Variants in KIRREL3 observed in about 807,000 individuals in gnomAD.
The protein encoded by KIRREL3 is kirre like nephrin family adhesion molecule 3.
Under a neutral mutation model 89.7 loss-of-function variants are expected in KIRREL3, and 36 were observed. The ratio of observed to expected loss-of-function variants is 0.40; its 90% CI spans 0.31 to 0.53. The LOEUF is 0.53. Among genes scored for constraint, KIRREL3 ranks in the 20% least tolerant of loss-of-function variants. The pLI is 0.49. For missense variants in KIRREL3, 864 were observed against 1,056.6 expected, an observed-to-expected ratio of 0.82 and a Z score of 2.53; for synonymous variants, 445 against 441.4, an observed-to-expected ratio of 1.01 and a Z score of -0.10.
At chr11:126,960,786 T>C (rs1949062815) in intron 1 of KIRREL3, among the ~76,000 whole-genome samples, 2 of 152,214 alleles carry the variant, frequency 1.3e-5, no homozygotes, top group South Asian at 2.1e-4. Flanking sequence ...TGCTTTATTG[T>C]TCTTCGCAGA....
In KIRREL3 at chr11:126,860,916, G is replaced by A. The variant is rs778957707; in HGVS notation, c.55+139539C>T. Among the ~76,000 whole-genome samples the A allele has an allele frequency of 1.3e-5, 2 of 152,160 alleles. No homozygotes were observed. The highest frequency in any genetic ancestry group is 4.8e-5 in the African/African-American group (2 of 41,430). On this transcript the variant is annotated intron_variant, in intron 1 of 16. Coordinates refer to ENST00000525144, the MANE Select transcript of KIRREL3 (RefSeq NM_032531.4). The surrounding 1 kb of genome is among the most constrained non-coding windows in gnomAD (Gnocchi z 4.6). ...CTCCTTTGTACCACTCTTGGTACGT[G>A]CCACCTCCTATACAAAGCCTCTCCT...
At chr11:126,458,400 C>A (rs895796549) in intron 6 of KIRREL3, among the ~76,000 whole-genome samples, 9 of 149,564 alleles carry the variant, frequency 6.0e-5, no homozygotes, top group Non-Finnish European at 1.2e-4. Flanking sequence ...GGTCCTGAGA[C>A]CCTCAGAGAG....
chr11:126,923,325 T>C (rs1373835641), intron 1 of KIRREL3, among the ~76,000 whole-genome samples: 20 of 141,826 alleles, frequency 1.4e-4, no homozygotes, highest in African/African-American at 3.3e-4. Flanking sequence ...TCTTCCTTCT[T>C]CTTCTTCCTT....
chr11:126,995,758 CT>C lies in KIRREL3; in HGVS notation c.55+4696del. 6.6e-6 allele frequency among the ~76,000 whole-genome samples: 1 copy of C among 152,192 alleles called. No individual in the cohort carries two copies. Among genetic ancestry groups the C allele is most frequent in the East Asian group, 1.9e-4 (1 of 5,194 alleles). On this transcript the variant is annotated intron_variant, in intron 1 of 16. Transcript: ENST00000525144. The surrounding 1 kb of genome is among the most constrained non-coding windows in gnomAD (Gnocchi z 6.5). ...CAATTCGCTCTGGATTATTCATGTG[CT>C]TTTTTGGGTCTGCAATATAATGCTG...
chr11:126,767,226 C>T (rs892849481), intron 1 of KIRREL3, among the ~76,000 whole-genome samples: 2 of 152,216 alleles, frequency 1.3e-5, no homozygotes, highest in African/African-American at 2.4e-5. Context: ...CCTGACATCC[C>T]GCCCAAGGGT....
rs1955089032 is a variant in KIRREL3, at chr11:126,430,445, A to T, written c.1696+974T>A. ...GGCCAAAAGAGAGAGACCCTATATA[A>T]AAAAAAACCGTATATATATGTGTAT... On this transcript the variant is annotated intron_variant, in intron 14 of 16. Coordinates refer to ENST00000525144, the MANE Select transcript of KIRREL3 (RefSeq NM_032531.4). This position sits in a 1 kb window ranked among gnomAD's most constrained non-coding sequence, Gnocchi z 6.6. 1.3e-5 allele frequency among the ~76,000 whole-genome samples: 2 copies of T among 152,016 alleles called. No homozygotes were observed.
chr11:126,942,741 G>A (rs747528123), intron 1 of KIRREL3, among the ~76,000 whole-genome samples: 1 of 152,202 alleles, frequency 6.6e-6, no homozygotes, highest in Non-Finnish European at 1.5e-5. Context: ...CTCTTTGTGT[G>A]GCCACTCCAA....
chr11:126,999,889 G>A lies in KIRREL3; in HGVS notation c.55+566C>T, dbSNP rs920822157. 3.9e-5 allele frequency among the ~76,000 whole-genome samples: 6 copies of A among 152,158 alleles called. No individual in the cohort carries two copies. Among genetic ancestry groups the A allele is most frequent in the Non-Finnish European group, 8.8e-5 (6 of 68,028 alleles). ...AACCTAATTTAGGGAACTCGATGAC[G>A]TTCAATGAAACTCTTTACAAGCTTT... On this transcript the variant is annotated intron_variant, in intron 1 of 16. Coordinates refer to ENST00000525144, the MANE Select transcript of KIRREL3 (RefSeq NM_032531.4). The surrounding 1 kb of genome is among the most constrained non-coding windows in gnomAD (Gnocchi z 5.7).
chr11:126,953,614 T>TAGAG lies in KIRREL3; in HGVS notation c.55+46837_55+46840dup, dbSNP rs1446075343. On this transcript the variant is annotated intron_variant, in intron 1 of 16. Coordinates refer to ENST00000525144, the MANE Select transcript of KIRREL3 (RefSeq NM_032531.4). This position sits in a 1 kb window ranked among gnomAD's most constrained non-coding sequence, Gnocchi z 5.2. ...TACACACACACACACTTGGGAGAGA[T>TAGAG]AGAGAGACAGAGAGAGAGAACGACC... Among the ~76,000 whole-genome samples the TAGAG allele has an allele frequency of 2.7e-5, 1 of 36,482 alleles. No homozygotes were observed. The highest frequency in any genetic ancestry group is 5.0e-5 in the Non-Finnish European group (1 of 20,018). The allele number at this position is 36,482 out of a possible 152,430, so 23.9% of individuals were successfully genotyped here. A position where few individuals can be genotyped will look rare whatever the true frequency, so the allele number is the denominator to read the frequency against.
In KIRREL3 at chr11:126,805,395, C is replaced by T. The variant is rs183366314; in HGVS notation, c.55+195060G>A. 5.5e-4 allele frequency among the ~76,000 whole-genome samples: 83 copies of T among 152,254 alleles called. No individual in the cohort carries two copies. The highest frequency in any genetic ancestry group is 1.8e-3 in the African/African-American group (73 of 41,540). ...GAGGAGATTTAATTACTCAGATGCT[C>T]TTATGCTCCTCAAAGGTCCTAGTGC... On this transcript the variant is annotated intron_variant, in intron 1 of 16. Coordinates refer to ENST00000525144, the MANE Select transcript of KIRREL3 (RefSeq NM_032531.4). The surrounding 1 kb of genome is among the most constrained non-coding windows in gnomAD (Gnocchi z 4.3).
intron 1 of KIRREL3, among the ~76,000 whole-genome samples, chr11:126,693,568 G>A (rs1946964243): frequency 6.6e-6 from 1 of 151,910 alleles, no homozygotes; most frequent in Admixed American, 6.6e-5. Flanking sequence ...ACACATAAGT[G>A]TGTTACATCT....
rs1944971290 is a variant in KIRREL3, at chr11:126,867,750, G to T, written c.55+132705C>A. Among the ~76,000 whole-genome samples the T allele has an allele frequency of 6.6e-6, 1 of 152,150 alleles. No homozygotes were observed. Among genetic ancestry groups the T allele is most frequent in the Non-Finnish European group, 1.5e-5 (1 of 68,040 alleles). On this transcript the variant is annotated intron_variant, in intron 1 of 16. Transcript: ENST00000525144. The surrounding 1 kb of genome is among the most constrained non-coding windows in gnomAD (Gnocchi z 4.7). ...GTAAGTTGGCCAGAATCTGAACCCAGACTTTCTGCCTTTTTTATGAGCCTT... is the reference window on the plus strand; with the variant it reads ...GTAAGTTGGCCAGAATCTGAACCCATACTTTCTGCCTTTTTTATGAGCCTT...
At position 126,564,690 on chromosome 11, in the gene KIRREL3, C is replaced by T. The variant is rs536306785; in HGVS notation, c.56-1778G>A. On this transcript the variant is annotated intron_variant, in intron 1 of 16. Transcript: ENST00000525144. The surrounding 1 kb of genome is among the most constrained non-coding windows in gnomAD (Gnocchi z 7.4). ...TCAGGGGCTCCTGCTCTGTCGCAGG[C>T]CTCATGGATCAAAGCCCCTTTGATG... 2.6e-5 allele frequency among the ~76,000 whole-genome samples: 4 copies of T among 152,178 alleles called. No homozygotes were observed. In the East Asian group the frequency reaches 7.7e-4, roughly 29 times the overall value.
intron 1 of KIRREL3, among the ~76,000 whole-genome samples, chr11:126,632,781 AGTC>A: frequency 7.2e-6 from 1 of 138,450 alleles, no homozygotes; most frequent in African/African-American, 2.8e-5. Context: ...AGGCACTTGG[AGTC>A]TAAACTTAAA....
intron 1 of KIRREL3, among the ~76,000 whole-genome samples, chr11:126,821,329 G>A (rs1592175835): frequency 3.9e-5 from 4 of 103,516 alleles, no homozygotes; most frequent in African/African-American, 1.0e-4. Context: ...GATAAACACA[G>A]TATATATATA....
In KIRREL3 at chr11:126,766,692, G is replaced by A. The variant is rs1371219385; in HGVS notation, c.56-203780C>T. ...TCTGGGGCTTTGATAATCTCAATAG[G>A]CACTTACAGAATTGACTTTTCTGCC... On this transcript the variant is annotated intron_variant, in intron 1 of 16. Transcript: ENST00000525144. This position sits in a 1 kb window ranked among gnomAD's most constrained non-coding sequence, Gnocchi z 4.2. 3.3e-5 allele frequency among the ~76,000 whole-genome samples: 5 copies of A among 152,142 alleles called. No individual in the cohort carries two copies. The highest frequency in any genetic ancestry group is 7.3e-5 in the Non-Finnish European group (5 of 68,030).
rs567249250 is a variant in KIRREL3 at position 126,516,701 on chromosome 11, T to C, written c.433+4614A>G. On this transcript the variant is annotated intron_variant, in intron 4 of 16. Coordinates refer to ENST00000525144, the MANE Select transcript of KIRREL3 (RefSeq NM_032531.4). This position sits in a 1 kb window ranked among gnomAD's most constrained non-coding sequence, Gnocchi z 4.9. ...AGGAAGTTGAAGAGATCAAGTGTAA[T>C]GCCACCCTTACAACTCTGACCCTGG... 6.6e-6 allele frequency among the ~76,000 whole-genome samples: 1 copy of C among 152,350 alleles called. No individual in the cohort carries two copies. Among genetic ancestry groups the C allele is most frequent in the East Asian group, 1.9e-4 (1 of 5,184 alleles).
intron 1 of KIRREL3, among the ~76,000 whole-genome samples, chr11:126,825,042 AT>A (rs1315931875): frequency 3.3e-5 from 5 of 152,036 alleles, no homozygotes; most frequent in Admixed American, 1.3e-4. Context: ...CCCAGTTTGA[AT>A]TTTCCCTTTG....
chr11:126,599,326 C>A (rs1942540524), intron 1 of KIRREL3, among the ~76,000 whole-genome samples: 1 of 152,190 alleles, frequency 6.6e-6, no homozygotes, highest in African/African-American at 2.4e-5. Context: ...GGTGTCTTGG[C>A]CCCTAATGGA....
Sources: allele counts gnomAD v4.1 joint callset (sites outside exome capture counted in the v4.1 genomes callset), GRCh38; gene constraint gnomAD v4.1.1; non-coding constraint Gnocchi (gnomAD v3.1); transcripts MANE v1.5; gene names NCBI Gene and HGNC (gene_info 2026-07-23, HGNC 2026-07-21).